The following ST6GAL1 variants were observed in gnomAD, a reference collection of about 807,000 sequenced individuals.
The protein encoded by ST6GAL1 is ST6 beta-galactoside alpha-2,6-sialyltransferase 1.
A neutral mutation model predicts 38.0 loss-of-function variants in ST6GAL1; 20 were observed. The ratio of observed to expected loss-of-function variants is 0.53; its 90% confidence interval spans 0.37 to 0.77. The LOEUF (loss-of-function observed/expected upper bound fraction) is 0.77, where lower values mean the gene tolerates loss of function less well. ST6GAL1 is among the 30% of genes least tolerant of loss of function. The pLI is 0.00. For missense variants in ST6GAL1, 432 were observed against 496.4 expected (o/e 0.87, Z 1.23); for synonymous variants, 196 against 188.2 (o/e 1.04, Z -0.34).
intron 5 of ST6GAL1, chr3:187,064,488 T>C: frequency 2.2e-6 from 1 of 455,884 alleles, no homozygotes; most frequent in South Asian, 1.6e-5. Flanking sequence ...GGCTTTCTAC[T>C]GAAGCAGATT....
At chr3:187,034,092 C>T (rs1717845805) in intron 2 of ST6GAL1, among the ~76,000 whole-genome samples, 1 of 147,862 alleles carries the variant, frequency 6.8e-6, no homozygotes, top group African/African-American at 2.6e-5. Context: ...CAACTAATCC[C>T]ACAGAAATAT....
chr3:187,016,795 A>G (rs544982667), intron 2 of ST6GAL1, among the ~76,000 whole-genome samples: 6 of 152,216 alleles, frequency 3.9e-5, no homozygotes, highest in Non-Finnish European at 7.4e-5. Flanking sequence ...GGGATTGCTC[A>G]GAGGGTAGCA....
chr3:187,010,883 T>C (rs182134126), intron 2 of ST6GAL1, among the ~76,000 whole-genome samples: 1 of 152,206 alleles, frequency 6.6e-6, no homozygotes, highest in African/African-American at 2.4e-5. Flanking sequence ...TTTTACCTAT[T>C]TTATTTCTGT....
chr3:186,999,537 G>A (rs981683219), intron 2 of ST6GAL1, among the ~76,000 whole-genome samples: 6 of 150,940 alleles, frequency 4.0e-5, no homozygotes, highest in Admixed American at 2.0e-4. Context: ...TCAGCCTCCC[G>A]AGTAGCTGGG....
intron 2 of ST6GAL1, chr3:186,996,419 G>T (rs564173942): frequency 2.0e-5 from 3 of 152,216 alleles, no homozygotes; most frequent in Admixed American, 1.3e-4. Flanking sequence ...GCCTTGGAAG[G>T]GGGTAGATAG....
chr3:186,956,370 G>GT (rs1291124978), intron 1 of ST6GAL1, among the ~76,000 whole-genome samples: 4 of 151,260 alleles, frequency 2.6e-5, no homozygotes, highest in East Asian at 1.9e-4. Context: ...GTTTGTGTTT[G>GT]TTTTTTTTTC....
chr3:187,056,486 A>G (rs934728643), intron 5 of ST6GAL1, among the ~76,000 whole-genome samples: 2 of 152,130 alleles, frequency 1.3e-5, no homozygotes, highest in South Asian at 2.1e-4. Flanking sequence ...AGCTCTTGTA[A>G]GGCAGGCCTG....
At chr3:187,014,154 T>C (rs1247867987) in intron 2 of ST6GAL1, among the ~76,000 whole-genome samples, 1 of 152,222 alleles carries the variant, frequency 6.6e-6, no homozygotes, top group African/African-American at 2.4e-5. Flanking sequence ...TCCTGTGAAG[T>C]AGGTGCTTTT....
chr3:186,931,235 G>A (rs1437046189), intron 1 of ST6GAL1: 1 of 152,428 alleles, frequency 6.6e-6, no homozygotes, highest in Non-Finnish European at 1.5e-5. Flanking sequence ...AGGGGGCACA[G>A]GCACCATAAC....
chr3:187,028,181 A>G (rs1717611774), intron 2 of ST6GAL1, among the ~76,000 whole-genome samples: 1 of 152,220 alleles, frequency 6.6e-6, no homozygotes, highest in South Asian at 2.1e-4. Flanking sequence ...GGCATTTTAA[A>G]GAAGAGAAAT....
At chr3:186,956,744 A>T (rs1257658403) in intron 1 of ST6GAL1, among the ~76,000 whole-genome samples, 1 of 152,220 alleles carries the variant, frequency 6.6e-6, no homozygotes, top group East Asian at 1.9e-4. Flanking sequence ...CTCCCGTAAG[A>T]TCCACCAGTT....
chr3:187,069,054 C>T (rs1391288970), intron 5 of ST6GAL1, among the ~76,000 whole-genome samples: 1 of 152,044 alleles, frequency 6.6e-6, no homozygotes. Context: ...TTAAAAGTTA[C>T]AAGATGTGGG....
chr3:186,967,081 C>T (rs184492695), intron 2 of ST6GAL1, among the ~76,000 whole-genome samples: 10 of 152,314 alleles, frequency 6.6e-5, no homozygotes, highest in Admixed American at 2.0e-4. Context: ...TTTTTCCGTC[C>T]GTTCTGTCAC....
chr3:186,981,942 TTGTG>T (rs1325138057), intron 2 of ST6GAL1, among the ~76,000 whole-genome samples: 1 of 152,208 alleles, frequency 6.6e-6, no homozygotes, highest in Non-Finnish European at 1.5e-5. Context: ...TGCACAGTGA[TTGTG>T]TGCTGGGTGC....
At chr3:187,036,899 TA>T (rs1171561628) in intron 2 of ST6GAL1, among the ~76,000 whole-genome samples, 1 of 152,198 alleles carries the variant, frequency 6.6e-6, no homozygotes, top group Non-Finnish European at 1.5e-5. Flanking sequence ...AAATTAAAAT[TA>T]TTTTTTAAAA....
At chr3:186,931,885 GAA>G (rs774761206) in intron 1 of ST6GAL1, among the ~76,000 whole-genome samples, 45 of 152,240 alleles carry the variant, frequency 3.0e-4, no homozygotes, top group Non-Finnish European at 6.3e-4. Flanking sequence ...CCGAGGTCCG[GAA>G]AAAGAGAACT....
intron 1 of ST6GAL1, among the ~76,000 whole-genome samples, chr3:186,963,275 AGTGCAGTG>A (rs1463023602): frequency 6.6e-6 from 1 of 152,142 alleles, no homozygotes; most frequent in Non-Finnish European, 1.5e-5. Context: ...TCCAGGCTGG[AGTGCAGTG>A]GCACGATCTT....
At chr3:186,946,912 T>C (rs1240265092) in intron 1 of ST6GAL1, among the ~76,000 whole-genome samples, 4 of 152,000 alleles carry the variant, frequency 2.6e-5, no homozygotes, top group Non-Finnish European at 4.4e-5. Context: ...AAATACGTTA[T>C]CAATCAGATG....
intron 1 of ST6GAL1, among the ~76,000 whole-genome samples, chr3:186,941,968 T>A (rs1289725406): frequency 6.6e-6 from 1 of 150,724 alleles, no homozygotes; most frequent in Non-Finnish European, 1.5e-5. Flanking sequence ...GCCGAGATCA[T>A]GCCACTGCAC....
Sources: gnomAD v4.1 joint callset for allele counts (sites outside exome capture counted in the v4.1 genomes callset) on GRCh38, gnomAD v4.1.1 for gene constraint, MANE v1.5 for transcripts, NCBI Gene and HGNC (gene_info 2026-07-23, HGNC 2026-07-21) for gene names.